The following USO1 variants were observed in gnomAD, a reference collection of about 807,000 sequenced individuals.
The protein encoded by USO1 is USO1 vesicle transport factor.
In USO1, 57 loss-of-function variants were observed where a neutral mutation model predicts 124.5. That is an observed-to-expected ratio of 0.46 (90% CI 0.37 to 0.57). The LOEUF is 0.57. Ranked by LOEUF, USO1 falls within the 20% of genes least tolerant of loss-of-function variation. The probability of loss-of-function intolerance (pLI) is 0.00; values close to 1 mark genes in which losing one functional copy is unlikely to be tolerated. For missense variants in USO1, 900 were observed against 1,040.6 expected (o/e 0.86, Z 1.86); for synonymous variants, 369 against 362.8 (o/e 1.02, Z -0.19).
At chr4:75,753,753 T>C (rs1168070561) in intron 3 of USO1, among the ~76,000 whole-genome samples, 1 of 149,436 alleles carries the variant, frequency 6.7e-6, no homozygotes, top group African/African-American at 2.4e-5. Context: ...AAAAGAAGCA[T>C]CATTTAGCCC....
chr4:75,738,948 G>C (rs1483574497), intron 1 of USO1, among the ~76,000 whole-genome samples: 1 of 152,004 alleles, frequency 6.6e-6, no homozygotes, highest in South Asian at 2.1e-4. Flanking sequence ...CACTTCCCGG[G>C]TTCAAGCGAT....
At chr4:75,759,673 C>A (rs1721546763) in intron 4 of USO1, among the ~76,000 whole-genome samples, 1 of 151,714 alleles carries the variant, frequency 6.6e-6, no homozygotes, top group South Asian at 2.1e-4. Context: ...CTTCGGGACA[C>A]CGAGACAGGC....
chr4:75,747,602 CTTTTTTTTTTT>C, intron 1 of USO1, among the ~76,000 whole-genome samples: 1 of 83,692 alleles, frequency 1.2e-5, no homozygotes, highest in East Asian at 3.2e-4. Context: ...TCACCTTTGA[CTTTTTTTTTTT>C]TTTTTTTTTT....
chr4:75,789,937 T>C (rs576398876), intron 10 of USO1, among the ~76,000 whole-genome samples: 2 of 152,020 alleles, frequency 1.3e-5, no homozygotes, highest in African/African-American at 4.8e-5. Context: ...ATTGATGTTT[T>C]TGTGCCTGAA....
intron 1 of USO1, among the ~76,000 whole-genome samples, chr4:75,740,317 T>G (rs1286367702): frequency 6.6e-6 from 1 of 152,226 alleles, no homozygotes; most frequent in Non-Finnish European, 1.5e-5. Context: ...AGATGGAGTC[T>G]CACTCTGTTA....
chr4:75,761,859 T>C (rs985217222), intron 4 of USO1, among the ~76,000 whole-genome samples: 2 of 152,212 alleles, frequency 1.3e-5, no homozygotes, highest in African/African-American at 4.8e-5. Flanking sequence ...AACTAACTTA[T>C]TAAAGTATGA....
chr4:75,806,371 G>T (rs1253385798), intron 19 of USO1, 115 bp from the exon 20 acceptor site: 1 of 1,254,068 alleles, frequency 8.0e-7, no homozygotes, highest in Non-Finnish European at 1.1e-6. Flanking sequence ...TAAAAGGTTG[G>T]TGTGAATTTT....
intron 8 of USO1, among the ~76,000 whole-genome samples, chr4:75,780,338 C>G (rs1055172374): frequency 1.3e-5 from 2 of 150,562 alleles, no homozygotes; most frequent in African/African-American, 4.9e-5. Flanking sequence ...GTGATCTCGG[C>G]TCACTGCCAC....
intron 1 of USO1, among the ~76,000 whole-genome samples, chr4:75,746,072 G>A (rs181725577): frequency 1.4e-3 from 210 of 152,222 alleles, no homozygotes; most frequent in Non-Finnish European, 2.7e-3. Flanking sequence ...CTGTTCCTTA[G>A]GTGGTCCAGG....
chr4:75,783,286 G>A (rs1722274206), intron 9 of USO1, among the ~76,000 whole-genome samples: 1 of 152,116 alleles, frequency 6.6e-6, no homozygotes, highest in South Asian at 2.1e-4. Context: ...TGAGAGCCAG[G>A]CACTGGATGC....
intron 4 of USO1, among the ~76,000 whole-genome samples, chr4:75,762,177 T>C (rs1290460407): frequency 7.0e-6 from 1 of 142,100 alleles, no homozygotes; most frequent in African/African-American, 2.6e-5. Context: ...TTTTTTTTTT[T>C]TTTTTTTTTT....
At chr4:75,741,601 C>CTTTTTTTTT (rs34702586) in intron 1 of USO1, among the ~76,000 whole-genome samples, 1 of 78,852 alleles carries the variant, frequency 1.3e-5, no homozygotes, top group Non-Finnish European at 2.2e-5. Context: ...ACTTTTTAAA[C>CTTTTTTTTT]TTTTTTTTTT....
chr4:75,733,344 G>A (rs549862997), intron 1 of USO1, among the ~76,000 whole-genome samples: 4 of 152,258 alleles, frequency 2.6e-5, no homozygotes, highest in Non-Finnish European at 5.9e-5. Flanking sequence ...GAGACTGCTG[G>A]GTCGAATGGT....
At chr4:75,759,143 G>C (rs1261006903) in intron 4 of USO1, among the ~76,000 whole-genome samples, 2 of 148,634 alleles carry the variant, frequency 1.3e-5, no homozygotes, top group Non-Finnish European at 3.0e-5. Flanking sequence ...ATCATGTTTA[G>C]AGCCCACCTG....
At chr4:75,786,924 CG>C (rs1394565477) in intron 9 of USO1, 137 bp from the exon 10 acceptor site, 104 of 1,080,608 alleles carry the variant, frequency 9.6e-5, no homozygotes, top group Admixed American at 1.2e-4. Flanking sequence ...CATGGGAGCA[CG>C]AAAGAAAGAG....
chr4:75,810,346 A>G (rs1723109873), intron 21 of USO1, 86 bp from the exon 22 acceptor site: 1 of 1,409,416 alleles, frequency 7.1e-7, no homozygotes. Flanking sequence ...AAATATCAAA[A>G]TGGCAAAAAA....
intron 10 of USO1, among the ~76,000 whole-genome samples, 179 bp downstream of exon 10, chr4:75,787,381 A>G (rs1722393488): frequency 6.6e-6 from 1 of 152,150 alleles, no homozygotes; most frequent in Admixed American, 6.5e-5. Context: ...CAAAAGATAT[A>G]CTCATCCCTC....
At chr4:75,744,479 G>A (rs1392449190) in intron 1 of USO1, among the ~76,000 whole-genome samples, 1 of 152,180 alleles carries the variant, frequency 6.6e-6, no homozygotes. Flanking sequence ...GAGTGCAGTG[G>A]TGTGATCTTG....
chr4:75,724,996 C>CCCCCT, intron 1 of USO1, 111 bp downstream of exon 1: 1 of 1,081,066 alleles, frequency 9.3e-7, no homozygotes, highest in South Asian at 1.5e-5. Context: ...AGGGGGCATC[C>CCCCCT]ACATGCCGCC....
Sources: allele counts gnomAD v4.1 joint callset (sites outside exome capture counted in the v4.1 genomes callset), GRCh38; gene constraint gnomAD v4.1.1; transcripts MANE v1.5; gene names NCBI Gene and HGNC (gene_info 2026-07-23, HGNC 2026-07-21).